The following DENND4A variants were observed in gnomAD, a reference collection of about 807,000 sequenced individuals.
DENND4A encodes C-myc promoter-binding protein.
In DENND4A, 70 loss-of-function variants were observed where a neutral mutation model predicts 199.3. The ratio of observed to expected loss-of-function variants is 0.35; its 90% CI spans 0.29 to 0.43. The LOEUF (loss-of-function observed/expected upper bound fraction) is 0.43, where lower values mean the gene tolerates loss of function less well. Among genes scored for constraint, DENND4A ranks in the 20% least tolerant of loss-of-function variants. The pLI, the probability that DENND4A is intolerant of heterozygous loss-of-function variation, is 1.00. For synonymous variants in DENND4A, 686 were observed against 766.9 expected, an observed-to-expected ratio of 0.89 and a Z score of 1.74; for missense variants, 1,723 against 2,255.8, an observed-to-expected ratio of 0.76 and a Z score of 4.78.
chr15:65,751,347 A>T (rs924931289), intron 4 of DENND4A, among the ~76,000 whole-genome samples: 4 of 152,224 alleles, frequency 2.6e-5, no homozygotes, highest in Non-Finnish European at 5.9e-5. Context: ...TTGCTAGATA[A>T]GGAAGACTAT....
chr15:65,731,321 C>T (rs1361855251), intron 9 of DENND4A: 4 of 353,748 alleles, frequency 1.1e-5, no homozygotes, highest in Non-Finnish European at 5.6e-6. Context: ...AAATTAATTG[C>T]ATTTGAATGT....
intron 23 of DENND4A, among the ~76,000 whole-genome samples, chr15:65,686,456 CAG>C (rs2076785513): frequency 6.6e-6 from 1 of 152,170 alleles, no homozygotes; most frequent in Non-Finnish European, 1.5e-5. Flanking sequence ...ATTTCCTACT[CAG>C]ATTTAGAACT....
intron 23 of DENND4A, among the ~76,000 whole-genome samples, chr15:65,676,867 CTAGT>C (rs797009903): frequency 1.2e-4 from 19 of 152,276 alleles, no homozygotes; most frequent in African/African-American, 4.6e-4. Flanking sequence ...AAAGTATATA[CTAGT>C]TAGTAAGGTA....
intron 1 of DENND4A, among the ~76,000 whole-genome samples, chr15:65,788,101 G>A (rs983810413): frequency 4.0e-5 from 6 of 150,506 alleles, no homozygotes; most frequent in African/African-American, 1.5e-4. Flanking sequence ...TTTTGAGACA[G>A]AGTCTCGTTC....
chr15:65,722,721 T>C (rs1420295290), intron 12 of DENND4A, 127 bp downstream of exon 12: 2 of 638,614 alleles, frequency 3.1e-6, no homozygotes, highest in African/African-American at 3.8e-5. Context: ...GCTTTAATGA[T>C]CATCTGCCTT....
chr15:65,703,801 C>G (rs940890451), intron 15 of DENND4A, among the ~76,000 whole-genome samples: 1 of 152,142 alleles, frequency 6.6e-6, no homozygotes, highest in African/African-American at 2.4e-5. Flanking sequence ...CAGTGAACAG[C>G]CACTGCACTC....
At chr15:65,664,059 A>G (rs555563272) in intron 32 of DENND4A, among the ~76,000 whole-genome samples, 1 of 152,184 alleles carries the variant, frequency 6.6e-6, no homozygotes, top group Non-Finnish European at 1.5e-5. Flanking sequence ...TAAAGTGTAC[A>G]ATTTAGTGTT....
At chr15:65,773,272 TC>T (rs1363804820) in intron 1 of DENND4A, among the ~76,000 whole-genome samples, 2 of 152,198 alleles carry the variant, frequency 1.3e-5, no homozygotes, top group Non-Finnish European at 1.5e-5. Flanking sequence ...AGAATTAATT[TC>T]TGTAATTTGC....
chr15:65,751,254 G>C (rs1167524736), intron 4 of DENND4A, among the ~76,000 whole-genome samples: 3 of 152,182 alleles, frequency 2.0e-5, no homozygotes, highest in Non-Finnish European at 4.4e-5. Flanking sequence ...AGAGTTTACA[G>C]AAGAACTGAA....
chr15:65,727,382 G>A (rs763567016), intron 11 of DENND4A, among the ~76,000 whole-genome samples: 6 of 150,442 alleles, frequency 4.0e-5, no homozygotes, highest in Non-Finnish European at 8.9e-5. Context: ...GAACCCAGGA[G>A]GCGGAGCTTA....
chr15:65,726,479 C>T (rs2075806567), intron 11 of DENND4A, among the ~76,000 whole-genome samples: 1 of 152,120 alleles, frequency 6.6e-6, no homozygotes, highest in African/African-American at 2.4e-5. Flanking sequence ...ATCATTGAAT[C>T]TATTGATGCC....
chr15:65,660,299 T>G lies in DENND4A; in HGVS notation c.*1552A>C, dbSNP rs746876293. 1 of 1,535,326 alleles carries G rather than the reference T, an allele frequency of 6.5e-7. No homozygotes were observed. The highest frequency in any genetic ancestry group is 1.2e-5 in the South Asian group (1 of 84,044). On this transcript the variant is annotated 3_prime_UTR_variant, in exon 33 of 33. Coordinates refer to ENST00000443035, the MANE Select transcript of DENND4A (RefSeq NM_001320835.1). Reference sequence around the variant, plus strand: ...CCCAGAGTTGGAAGCTGTGAAATGTTTCAGCATGGTGCTATTCACTAATGG... The same window carrying G: ...CCCAGAGTTGGAAGCTGTGAAATGTGTCAGCATGGTGCTATTCACTAATGG...
intron 1 of DENND4A, chr15:65,771,641 C>T: frequency 6.2e-7 from 1 of 1,612,068 alleles, no homozygotes; most frequent in Non-Finnish European, 8.5e-7. Flanking sequence ...TTGGCTATAA[C>T]CAGCTCTTCC....
chr15:65,685,603 TATA>T (rs1316382141), intron 23 of DENND4A, among the ~76,000 whole-genome samples: 4 of 152,248 alleles, frequency 2.6e-5, no homozygotes, highest in Non-Finnish European at 5.9e-5. Context: ...CTAGGTTACT[TATA>T]ATACCTAATA....
intron 26 of DENND4A, 39 bp from the exon 27 acceptor site, chr15:65,669,964 T>TTATG: frequency 6.2e-7 from 1 of 1,609,858 alleles, no homozygotes; most frequent in Non-Finnish European, 8.5e-7. Context: ...AGAAAAGAGA[T>TTATG]ATTATAGGGA....
intron 15 of DENND4A, among the ~76,000 whole-genome samples, chr15:65,704,749 C>G (rs986355252): frequency 2.0e-5 from 3 of 151,910 alleles, no homozygotes; most frequent in Non-Finnish European, 4.4e-5. Flanking sequence ...TGCAACCATG[C>G]CTAGCTAATT....
chr15:65,715,758 G>A (rs1331695122), intron 13 of DENND4A, 135 bp from the exon 14 acceptor site: 2 of 745,054 alleles, frequency 2.7e-6, no homozygotes, highest in East Asian at 3.2e-5. Context: ...AGTGCTGAGA[G>A]GGAAAATGAC....
intron 4 of DENND4A, among the ~76,000 whole-genome samples, chr15:65,746,369 C>CTCTCT (rs2076392238): frequency 2.1e-4 from 11 of 51,306 alleles, no homozygotes; most frequent in African/African-American, 7.6e-4. Flanking sequence ...ACTTTTTTCT[C>CTCTCT]TTTTTTTTTT....
chr15:65,777,183 A>G (rs2077305834), intron 1 of DENND4A, among the ~76,000 whole-genome samples: 1 of 152,062 alleles, frequency 6.6e-6, no homozygotes, highest in Admixed American at 6.6e-5. Context: ...AAAGAAAGAA[A>G]AAAAGAAAAT....
Sources: allele counts gnomAD v4.1 joint callset (sites outside exome capture counted in the v4.1 genomes callset), GRCh38; gene constraint gnomAD v4.1.1; transcripts MANE v1.5; gene names NCBI Gene and HGNC (gene_info 2026-07-23, HGNC 2026-07-21).